Variants in SYTL1 observed in about 807,000 individuals in gnomAD.
SYTL1 encodes synaptotagmin like 1.
In SYTL1, 53 loss-of-function variants were observed where a neutral mutation model predicts 74.6. The ratio of observed to expected loss-of-function variants is 0.71; its 90% confidence interval spans 0.57 to 0.89. SYTL1 has a LOEUF of 0.89. Ranked by LOEUF, SYTL1 falls within the 40% of genes least tolerant of loss-of-function variation. The probability of loss-of-function intolerance (pLI) is 0.00; values close to 1 mark genes in which losing one functional copy is unlikely to be tolerated. For synonymous variants in SYTL1, 329 were observed against 324.9 expected, an observed-to-expected ratio of 1.01 and a Z score of -0.14; for missense variants, 728 against 768.7, an observed-to-expected ratio of 0.95 and a Z score of 0.63.
chr1:27,349,419 A>G lies in SYTL1; in HGVS notation c.554A>G (p.Gln185Arg). 6.9e-7 allele frequency: 1 copy of G among 1,448,152 alleles called. No individual in the cohort carries two copies. 89.7% of individuals were successfully genotyped at this position (1,448,152 alleles called of 1,614,324 possible). ...CCAGATCCTGGCCAAGGAGACCAAC[A>G]GGTCTGTGCCGAGGAGGCTGACCCG... The part of the protein sequence containing the change: ...AQEDPGQGDQ[Q>R]VCAEEADPEL... The change falls in exon 7 of 15, where the codon CAG becomes CGG. Residue 185 changes from glutamine (Q) to arginine (R), a missense_variant. By Grantham distance (43) the Gln-to-Arg change is conservative. Transcript: ENST00000616558.
At chr1:27,353,622 G>T (rs2015379064) in intron 14 of SYTL1, 91 bp from the exon 15 acceptor site, 1 of 1,561,846 alleles carries the variant, frequency 6.4e-7, no homozygotes, top group Non-Finnish European at 8.7e-7. Flanking sequence ...GGTAACGGGG[G>T]ACAGTGCATA....
At position 27,352,970 on chromosome 1, in the gene SYTL1, G is replaced by C. The variant is rs2015337440; in HGVS notation, c.1344-313G>C. On this transcript the variant is annotated intron_variant, in intron 13 of 14. Transcript: ENST00000616558. Reference sequence around the variant, plus strand: ...CCAGCTAATTTTTGTATTTTTAGTAGAGATGGGGTTTCACCATGTTGGCCA... The same window carrying C: ...CCAGCTAATTTTTGTATTTTTAGTACAGATGGGGTTTCACCATGTTGGCCA... 2.7e-5 allele frequency: 9 copies of C among 331,346 alleles called. No individual in the cohort carries two copies. The South Asian group carries it at 2.7e-4, about 10-fold the overall frequency. The allele number at this position is 331,346 out of a possible 1,614,324, so 20.5% of individuals were successfully genotyped here.
intron 2 of SYTL1, among the ~76,000 whole-genome samples, chr1:27,346,736 G>A (rs1443835504): frequency 2.0e-5 from 3 of 151,908 alleles, no homozygotes; most frequent in African/African-American, 4.8e-5. Flanking sequence ...ACTCCAGCCC[G>A]GGCAACAGAG....
In SYTL1 at chr1:27,347,630, G is replaced by T; in HGVS notation, c.340+61G>T. The T allele has an allele frequency of 6.3e-7, 1 of 1,589,962 alleles. No individual in the cohort carries two copies. Among genetic ancestry groups the T allele is most frequent in the South Asian group, 1.1e-5 (1 of 87,170 alleles). On this transcript the variant is annotated intron_variant, in intron 3 of 14. Transcript: ENST00000616558. The surrounding 1 kb of genome is among the most constrained non-coding windows in gnomAD (Gnocchi z 4.9). ...GCCGTCCAGGGCGCTGGCTGTATGTGGACAGGGAGAGAGGACCACTAGGGC... is the reference window on the plus strand; with the variant it reads ...GCCGTCCAGGGCGCTGGCTGTATGTTGACAGGGAGAGAGGACCACTAGGGC...
chr1:27,343,282 C>G lies in SYTL1; in HGVS notation c.-39+1132C>G, dbSNP rs2014853261. The stretch of plus-strand genomic sequence containing the variant: ...TTCCGGAGTCACTGTGGTACCTGAG[C>G]ATGGGCTGCTGCGCTAGCCTAGGCC... On this transcript the variant is annotated intron_variant, in intron 1 of 14. Coordinates refer to ENST00000616558, the MANE Select transcript of SYTL1 (RefSeq NM_001193308.2). This position sits in a 1 kb window ranked among gnomAD's most constrained non-coding sequence, Gnocchi z 5.2. 1 of 152,676 alleles carries G rather than the reference C, an allele frequency of 6.5e-6. No individual in the cohort carries two copies. Among genetic ancestry groups the G allele is most frequent in the South Asian group, 2.1e-4 (1 of 4,846 alleles). 9.5% of individuals were successfully genotyped at this position (152,676 alleles called of 1,614,324 possible).
In SYTL1 at chr1:27,350,521, G is replaced by T; in HGVS notation, c.1005+36G>T. ...GACCACGATGCGGTTCCCCGTTAAT[G>T]AACTGGACGCCCCCTTCCTGCGGGG... On this transcript the variant is annotated intron_variant, in intron 10 of 14. Coordinates refer to ENST00000616558, the MANE Select transcript of SYTL1 (RefSeq NM_001193308.2). This position sits in a 1 kb window ranked among gnomAD's most constrained non-coding sequence, Gnocchi z 6.3. The T allele has an allele frequency of 6.5e-7, 1 of 1,547,668 alleles. No individual in the cohort carries two copies. Among genetic ancestry groups the T allele is most frequent in the Non-Finnish European group, 8.9e-7 (1 of 1,125,738 alleles).
chr1:27,342,241 G>T lies in SYTL1; in HGVS notation c.-39+91G>T. The T allele has an allele frequency of 1.4e-6, 1 of 719,562 alleles. No individual in the cohort carries two copies. The highest frequency in any genetic ancestry group is 1.7e-6 in the Non-Finnish European group (1 of 587,398). The allele number at this position is 719,562 out of a possible 1,614,324, so 44.6% of individuals were successfully genotyped here. On this transcript the variant is annotated intron_variant, in intron 1 of 14. Transcript: ENST00000616558. This position sits in a 1 kb window ranked among gnomAD's most constrained non-coding sequence, Gnocchi z 4.7. ...CCTGAGCACCCTCCAGCACCTTGGGGTTGGGGGAGGTGGGCACATGTCTGG... is the reference window on the plus strand; with the variant it reads ...CCTGAGCACCCTCCAGCACCTTGGGTTTGGGGGAGGTGGGCACATGTCTGG...
rs775354489 is a variant in SYTL1 at position 27,347,613 on chromosome 1, G to A, written c.340+44G>A. 1 of 1,603,900 alleles carries A rather than the reference G, an allele frequency of 6.2e-7. No individual in the cohort carries two copies. ...GGCAGGGCAAGCCATGTGCCGTCCAGGGCGCTGGCTGTATGTGGACAGGGA... is the reference window on the plus strand; with the variant it reads ...GGCAGGGCAAGCCATGTGCCGTCCAAGGCGCTGGCTGTATGTGGACAGGGA... On this transcript the variant is annotated intron_variant, in intron 3 of 14. Transcript: ENST00000616558. This position sits in a 1 kb window ranked among gnomAD's most constrained non-coding sequence, Gnocchi z 4.9.
At chr1:27,344,678 C>T (rs1453106169) in intron 1 of SYTL1, among the ~76,000 whole-genome samples, 5 of 150,502 alleles carry the variant, frequency 3.3e-5, no homozygotes, top group Middle Eastern at 3.2e-3. Context: ...GGTCAAACCC[C>T]GTCTCTACTA....
In SYTL1 at chr1:27,345,115, T is replaced by A; in HGVS notation, c.-38-182T>A. On this transcript the variant is annotated intron_variant, in intron 1 of 14. Transcript: ENST00000616558. The surrounding 1 kb of genome is among the most constrained non-coding windows in gnomAD (Gnocchi z 6.0). ...TTGCTTCTTCCACTGTGTCTCCAAGTGTGTTCAAGGGCTAGTGTATGCATG... is the reference window on the plus strand; with the variant it reads ...TTGCTTCTTCCACTGTGTCTCCAAGAGTGTTCAAGGGCTAGTGTATGCATG... 2.5e-6 allele frequency: 1 copy of A among 407,486 alleles called. No homozygotes were observed. The allele number at this position is 407,486 out of a possible 1,614,324, so 25.2% of individuals were successfully genotyped here. A position where few individuals can be genotyped will look rare whatever the true frequency, so the allele number is the denominator to read the frequency against.
At chr1:27,349,184 G>A (rs762304594) in intron 6 of SYTL1, 32 bp downstream of exon 6, 4 of 1,605,498 alleles carry the variant, frequency 2.5e-6, no homozygotes, top group African/African-American at 1.3e-5. Flanking sequence ...GGAGCACGGA[G>A]AGGTTTCGCG....
At chr1:27,353,544 C>G in intron 14 of SYTL1, 56 bp downstream of exon 14, 1 of 1,554,970 alleles carries the variant, frequency 6.4e-7, no homozygotes, top group East Asian at 2.3e-5. Context: ...GAGATGGGGG[C>G]TCAGTGTGTG....
intron 6 of SYTL1, 65 bp downstream of exon 6, chr1:27,349,217 C>CCCCAACCACCTGTGTT: frequency 6.4e-7 from 1 of 1,556,312 alleles, no homozygotes. Flanking sequence ...CTCTAAGGGG[C>CCCCAACCACCTGTGTT]CCCAACCACC....
rs774887189 is a variant in SYTL1 at position 27,353,745 on chromosome 1, G to A, written c.1582G>A (p.Asp528Asn). The A allele has an allele frequency of 4.3e-6, 7 of 1,614,028 alleles. No homozygotes were observed. The highest frequency in any genetic ancestry group is 5.9e-6 in the Non-Finnish European group (7 of 1,179,980). The part of the protein sequence containing the change: ...SSYGLQVPWM[D>N]STPEEKQLWQ... ...CTATGGGCTGCAGGTGCCCTGGATG[G>A]ATTCCACACCTGAGGAGAAGCAGCT... is the stretch of plus-strand genomic sequence containing the variant. The change falls in exon 15 of 15, where the codon GAT becomes AAT. Residue 528 changes from aspartate (D) to asparagine (N), a missense_variant. By Grantham distance (23) the Asp-to-Asn change is conservative. Transcript: ENST00000616558.
rs546662460 is a variant in SYTL1, at chr1:27,343,956, C to T, written c.-38-1341C>T. On this transcript the variant is annotated intron_variant, in intron 1 of 14. Coordinates refer to ENST00000616558, the MANE Select transcript of SYTL1 (RefSeq NM_001193308.2). The surrounding 1 kb of genome is among the most constrained non-coding windows in gnomAD (Gnocchi z 5.2). ...TTTTTTGTTAGTTTTTGTTTTGAGA[C>T]GGAGTCTCACTCTTGCCCAGGCTGG... Among the ~76,000 whole-genome samples, 19 of 152,274 alleles carry T rather than the reference C, an allele frequency of 1.2e-4. No homozygotes were observed. Among genetic ancestry groups the T allele is most frequent in the African/African-American group, 3.9e-4 (16 of 41,552 alleles).
chr1:27,345,899 G>A lies in SYTL1; in HGVS notation c.191+374G>A, dbSNP rs2014983640. Among the ~76,000 whole-genome samples the A allele has an allele frequency of 2.0e-5, 3 of 151,972 alleles. No homozygotes were observed. Among genetic ancestry groups the A allele is most frequent in the Admixed American group, 2.0e-4 (3 of 15,254 alleles). The stretch of plus-strand genomic sequence containing the variant: ...GGGTTCAAGCGATTCTCCTGCCACA[G>A]CCTCCCAAATAGCTGGGATTATAGG... On this transcript the variant is annotated intron_variant, in intron 2 of 14. Transcript: ENST00000616558. The surrounding 1 kb of genome is among the most constrained non-coding windows in gnomAD (Gnocchi z 6.0).
chr1:27,351,212 C>T lies in SYTL1; in HGVS notation c.1165-46C>T, dbSNP rs745705642. On this transcript the variant is annotated intron_variant, in intron 11 of 14. Coordinates refer to ENST00000616558, the MANE Select transcript of SYTL1 (RefSeq NM_001193308.2). The surrounding 1 kb of genome is among the most constrained non-coding windows in gnomAD (Gnocchi z 5.0). Reference sequence around the variant, plus strand: ...GTCTGCAGACCCCACCCTCCTGAGGCCCCTTTCCATTAGCCCCTGCTCCAC... The same window carrying T: ...GTCTGCAGACCCCACCCTCCTGAGGTCCCTTTCCATTAGCCCCTGCTCCAC... The T allele has an allele frequency of 4.5e-6, 7 of 1,544,078 alleles. No homozygotes were observed. The highest frequency in any genetic ancestry group is 1.2e-5 in the South Asian group (1 of 83,860).
Position 27,350,595 on chromosome 1 carries a change from AG to A in SYTL1, c.1005+115del. On this transcript the variant is annotated intron_variant, in intron 10 of 14. Coordinates refer to ENST00000616558, the MANE Select transcript of SYTL1 (RefSeq NM_001193308.2). This position sits in a 1 kb window ranked among gnomAD's most constrained non-coding sequence, Gnocchi z 6.3. ...ACGTCATTGCCCGGAGGATCGGCGG[AG>A]GGGGCCCATTAACTCGTTATCCAGT... 9.0e-7 allele frequency: 1 copy of A among 1,114,446 alleles called. No homozygotes were observed. The highest frequency in any genetic ancestry group is 1.3e-6 in the Non-Finnish European group (1 of 769,446). 69.0% of individuals were successfully genotyped at this position (1,114,446 alleles called of 1,614,324 possible).
chr1:27,347,388 G>C lies in SYTL1; in HGVS notation c.192-33G>C. 1 of 1,613,704 alleles carries C rather than the reference G, an allele frequency of 6.2e-7. No homozygotes were observed. The highest frequency in any genetic ancestry group is 1.1e-5 in the South Asian group (1 of 91,074). ...GGTGGCGGGAATGTTGCTTGGGTGA[G>C]TCATGACAGCCACACCCTCCCCCTT... On this transcript the variant is annotated intron_variant, in intron 2 of 14. Coordinates refer to ENST00000616558, the MANE Select transcript of SYTL1 (RefSeq NM_001193308.2). This position sits in a 1 kb window ranked among gnomAD's most constrained non-coding sequence, Gnocchi z 4.9.
Sources: gnomAD v4.1 joint callset for allele counts (sites outside exome capture counted in the v4.1 genomes callset) on GRCh38, gnomAD v4.1.1 for gene constraint, Gnocchi (gnomAD v3.1) non-coding constraint, MANE v1.5 for transcripts, NCBI Gene and HGNC (gene_info 2026-07-23, HGNC 2026-07-21) for gene names.